Variants in ZNF736 observed in about 807,000 individuals in gnomAD.
ZNF736 encodes the protein KRAB-containing zinc-finger repressor protein.
In ZNF736, 6 loss-of-function variants were observed where a neutral mutation model predicts 11.7. That is an observed-to-expected ratio of 0.51 (90% CI 0.28 to 1.01). The LOEUF (loss-of-function observed/expected upper bound fraction) is 1.01, where lower values mean the gene tolerates loss of function less well. Among genes scored for constraint, ZNF736 ranks in the 50% least tolerant of loss-of-function variants. The pLI, the probability that ZNF736 is intolerant of heterozygous loss-of-function variation, is 0.09. For missense variants in ZNF736, 444 were observed against 496.0 expected (o/e 0.90, Z 1.00); for synonymous variants, 139 against 164.7 (o/e 0.84, Z 1.19).
At chr7:64,332,415 G>C (rs977750718) in intron 1 of ZNF736, among the ~76,000 whole-genome samples, 2 of 152,102 alleles carry the variant, frequency 1.3e-5, no homozygotes, top group African/African-American at 4.8e-5. Flanking sequence ...GTAAAACAGG[G>C]AGTAGGTACA....
rs191968984 is a variant in ZNF736 at position 64,348,083 on chromosome 7, T to C, written c.227-7T>C. 2.0e-6 allele frequency: 3 copies of C among 1,480,914 alleles called. No individual in the cohort carries two copies. Among genetic ancestry groups the C allele is most frequent in the Middle Eastern group, 1.8e-4 (1 of 5,644 alleles). 91.7% of individuals were successfully genotyped at this position (1,480,914 alleles called of 1,614,324 possible). ...TAATGAGGGAGAATTTTATTTTTTT[T>C]CTCCAGCTGGTTCTTTTCATTTTAC... On this transcript the variant is annotated splice_region_variant and splice_polypyrimidine_tract_variant and intron_variant, in intron 3 of 3. Coordinates refer to ENST00000423484, the MANE Select transcript of ZNF736 (RefSeq NM_001170905.3).
Position 64,330,755 on chromosome 7 carries a change from C to G in ZNF736, c.4-5504C>G, listed in dbSNP as rs1213757876. ...ATTCAAGGCCCAAGGGCTCTTTACT[C>G]AGCAGGTGATGAATGCTGCCAGAAC... On this transcript the variant is annotated intron_variant, in intron 1 of 3. Transcript: ENST00000423484. Among the ~76,000 whole-genome samples the G allele has an allele frequency of 2.0e-5, 3 of 152,148 alleles. No individual in the cohort carries two copies. The East Asian group carries it at 5.8e-4, about 29-fold the overall frequency.
intron 3 of ZNF736, among the ~76,000 whole-genome samples, chr7:64,343,986 A>G (rs531717437): frequency 2.5e-4 from 37 of 149,748 alleles, no homozygotes; most frequent in African/African-American, 9.2e-4. Context: ...TTAGTAGTCA[A>G]TGATTGTTTT....
chr7:64,313,992 T>G lies in ZNF736; in HGVS notation c.-159T>G, dbSNP rs78822250. The stretch of plus-strand genomic sequence containing the variant: ...TCTTCAATATGGCGGGGCCTTTGTC[T>G]CCTAGCTTCCGGGCTCTGATCCTAG... On this transcript the variant is annotated 5_prime_UTR_variant, in exon 1 of 4. Coordinates refer to ENST00000423484, the MANE Select transcript of ZNF736 (RefSeq NM_001170905.3). 4.7e-3 allele frequency: 4,617 copies of G among 981,076 alleles called. 19 individuals are homozygous for G. The highest frequency in any genetic ancestry group is 6.3e-3 in the Non-Finnish European group (4,101 of 651,754). 60.8% of individuals were successfully genotyped at this position (981,076 alleles called of 1,614,324 possible).
chr7:64,319,333 G>GTATGTATATA (rs1788965551), intron 1 of ZNF736, among the ~76,000 whole-genome samples: 8 of 71,638 alleles, frequency 1.1e-4, no homozygotes, highest in South Asian at 6.7e-4. Context: ...GTGTGTATGT[G>GTATGTATATA]TATATATATA....
At chr7:64,314,741 T>C (rs1435969899) in intron 1 of ZNF736, among the ~76,000 whole-genome samples, 1 of 152,138 alleles carries the variant, frequency 6.6e-6, no homozygotes, top group Non-Finnish European at 1.5e-5. Context: ...GTTTTGTTTG[T>C]TTTTGTAGAG....
At position 64,314,113 on chromosome 7, in the gene ZNF736, TC is replaced by T. The variant is rs1788876768; in HGVS notation, c.-36del. ...CCTGTGACCTGCAGGTACTGGGAGA[TC>T]CATAGGGAGGACGGCGGAACATCTG... On this transcript the variant is annotated 5_prime_UTR_variant, in exon 1 of 4. Transcript: ENST00000423484. The T allele has an allele frequency of 6.4e-7, 1 of 1,551,610 alleles. No homozygotes were observed. Among genetic ancestry groups the T allele is most frequent in the African/African-American group, 1.4e-5 (1 of 72,994 alleles).
chr7:64,338,340 A>T (rs1789288694), intron 3 of ZNF736, among the ~76,000 whole-genome samples: 1 of 152,230 alleles, frequency 6.6e-6, no homozygotes, highest in South Asian at 2.1e-4. Context: ...TTATGACCTT[A>T]CAAGTTACCT....
At chr7:64,318,359 A>AAT (rs1788945893) in intron 1 of ZNF736, among the ~76,000 whole-genome samples, 5 of 152,002 alleles carry the variant, frequency 3.3e-5, no homozygotes, top group South Asian at 2.1e-4. Flanking sequence ...TAAAGATTTG[A>AAT]GAAACTATTT....
chr7:64,319,339 A>ATGTGTGTGTGTGTATGTGTGTGTG (rs1562666732), intron 1 of ZNF736, among the ~76,000 whole-genome samples: 1 of 65,936 alleles, frequency 1.5e-5, no homozygotes, highest in African/African-American at 7.0e-5. Context: ...ATGTGTATAT[A>ATGTGTGTGTGTGTATGTGTGTGTG]TATATATATA....
At chr7:64,325,946 A>G (rs1303744019) in intron 1 of ZNF736, among the ~76,000 whole-genome samples, 5 of 152,180 alleles carry the variant, frequency 3.3e-5, no homozygotes, top group Non-Finnish European at 7.3e-5. Context: ...CAATATACAT[A>G]TAGGCTTCTC....
intron 1 of ZNF736, among the ~76,000 whole-genome samples, chr7:64,334,731 T>A (rs1388279540): frequency 6.6e-6 from 1 of 152,194 alleles, no homozygotes; most frequent in Non-Finnish European, 1.5e-5. Flanking sequence ...AGTGTGGTGA[T>A]TCCTCAAGGA....
intron 1 of ZNF736, among the ~76,000 whole-genome samples, chr7:64,319,945 C>T (rs1329260228): frequency 6.6e-6 from 1 of 151,996 alleles, no homozygotes; most frequent in Non-Finnish European, 1.5e-5. Context: ...TGAAATTTTT[C>T]AGTAAATAGT....
At chr7:64,324,193 C>T (rs1789046279) in intron 1 of ZNF736, among the ~76,000 whole-genome samples, 1 of 152,172 alleles carries the variant, frequency 6.6e-6, no homozygotes, top group African/African-American at 2.4e-5. Context: ...GCTATAATAA[C>T]TTCTCACAAT....
In ZNF736 at chr7:64,350,768, T is replaced by TG. The variant is rs1554305918; in HGVS notation, c.*1621_*1622insG. 1 of 146,456 alleles carries TG rather than the reference T, an allele frequency of 6.8e-6. No homozygotes were observed. The highest frequency in any genetic ancestry group is 1.5e-5 in the Non-Finnish European group (1 of 67,170). The allele number at this position is 146,456 out of a possible 1,614,324, so 9.1% of individuals were successfully genotyped here. A position where few individuals can be genotyped will look rare whatever the true frequency, so the allele number is the denominator to read the frequency against. On this transcript the variant is annotated 3_prime_UTR_variant, in exon 4 of 4. Transcript: ENST00000423484. ...AACAGGCTTTGTTCCTGGGAGGTTT[T>TG]TTTTGTTTTGTTTTGTTTTGTTTTG...
At position 64,336,905 on chromosome 7, in the gene ZNF736, C is replaced by G. The variant is rs754420128; in HGVS notation, c.149C>G (p.Pro50Arg). Residue 50 changes from proline (P) to arginine (R), a missense_variant, in exon 3 of 4, where the codon CCA (proline) becomes CGA (arginine). Pro to Arg is a moderately radical substitution (Grantham distance 103). Coordinates refer to ENST00000423484, the MANE Select transcript of ZNF736 (RefSeq NM_001170905.3). Reference protein sequence around the residue: ...LVSLGLAIFKPDLMTCLEQRK... With the variant: ...LVSLGLAIFKRDLMTCLEQRK... ...AAAACAGGTCTTGCTATCTTTAAGC[C>G]AGACTTGATGACCTGTCTGGAGCAA... 9.8e-5 allele frequency: 156 copies of G among 1,598,142 alleles called. 1 individual carries two copies. Among genetic ancestry groups the G allele is most frequent in the Non-Finnish European group, 1.3e-4 (151 of 1,172,010 alleles).
At chr7:64,335,698 G>C (rs1789239215) in intron 1 of ZNF736, among the ~76,000 whole-genome samples, 1 of 152,054 alleles carries the variant, frequency 6.6e-6, no homozygotes. Context: ...GAAAATGAAG[G>C]CTCTCGTCTT....
intron 1 of ZNF736, among the ~76,000 whole-genome samples, chr7:64,322,305 A>G (rs1476217898): frequency 6.6e-6 from 1 of 152,146 alleles, no homozygotes; most frequent in African/African-American, 2.4e-5. Context: ...TAGAACATCA[A>G]TTTTTATATT....
At chr7:64,328,955 ATTT>A (rs71060588) in intron 1 of ZNF736, among the ~76,000 whole-genome samples, 7 of 146,320 alleles carry the variant, frequency 4.8e-5, no homozygotes, top group Admixed American at 1.4e-4. Flanking sequence ...TCTTGAGGCT[ATTT>A]TTTTTTTTTT....
Sources: allele counts gnomAD v4.1 joint callset (sites outside exome capture counted in the v4.1 genomes callset), GRCh38; gene constraint gnomAD v4.1.1; transcripts MANE v1.5; gene names NCBI Gene and HGNC (gene_info 2026-07-23, HGNC 2026-07-21).